COL15A1: variants seen among roughly 807,000 people sequenced by gnomAD.
COL15A1 encodes the protein collagen alpha-1(XV) chain.
In COL15A1, 111 loss-of-function variants were observed where a neutral mutation model predicts 165.9. That is an observed-to-expected ratio of 0.67 (90% CI 0.57 to 0.78). The LOEUF is 0.78. Among genes scored for constraint, COL15A1 ranks in the 30% least tolerant of loss-of-function variants. The pLI is 0.00. For missense variants in COL15A1, 1,745 were observed against 1,789.7 expected (o/e 0.98, Z 0.45); for synonymous variants, 659 against 674.8 (o/e 0.98, Z 0.36).
chr9:99,019,085 G>C (rs1418050517), intron 11 of COL15A1, among the ~76,000 whole-genome samples: 1 of 152,168 alleles, frequency 6.6e-6, no homozygotes, highest in African/African-American at 2.4e-5. Flanking sequence ...CCACGTTAGG[G>C]ATCTGCAATG....
intron 5 of COL15A1, among the ~76,000 whole-genome samples, chr9:98,996,690 A>G (rs983351645): frequency 2.0e-5 from 3 of 152,152 alleles, no homozygotes; most frequent in African/African-American, 7.2e-5. Context: ...GTGCTCAGAG[A>G]GCTTTGGCTG....
chr9:99,068,753 G>A (rs773573994), intron 41 of COL15A1, 83 bp downstream of exon 41: 11 of 801,156 alleles, frequency 1.4e-5, no homozygotes, highest in Non-Finnish European at 2.2e-5. Flanking sequence ...TTTATCAGCT[G>A]CTTCTCTAGG....
intron 4 of COL15A1, 69 bp from the exon 5 acceptor site, chr9:98,989,108 TC>T: frequency 8.3e-7 from 1 of 1,204,054 alleles, no homozygotes; most frequent in Non-Finnish European, 1.2e-6. Context: ...TCTGTAACTT[TC>T]CCAGTCATCC....
rs1825906542 is a variant in COL15A1 at position 99,067,037 on chromosome 9, G to C, written c.3807G>C (p.Glu1269Asp). 6.2e-7 allele frequency: 1 copy of C among 1,614,048 alleles called. No homozygotes were observed. The highest frequency in any genetic ancestry group is 1.3e-5 in the African/African-American group (1 of 75,038). The change falls in exon 40 of 42, where the codon GAG (glutamate) becomes GAC (aspartate). Residue 1269 changes from glutamate to aspartate, a missense_variant. Physicochemically the swap from Glu to Asp is conservative, Grantham distance 45. Coordinates refer to ENST00000375001, the MANE Select transcript of COL15A1 (RefSeq NM_001855.5). The part of the protein sequence containing the change: ...QDLSTIVRKA[E>D]RYSLPIVNLK... ...TGTCCACCATTGTGAGGAAAGCAGA[G>C]AGATACAGCCTTCCCATAGTGAACC...
At chr9:98,978,332 T>C (rs1838176830) in intron 2 of COL15A1, among the ~76,000 whole-genome samples, 1 of 152,128 alleles carries the variant, frequency 6.6e-6, no homozygotes, top group South Asian at 2.1e-4. Context: ...GCCTGAACGC[T>C]TAACCTGGCC....
intron 22 of COL15A1, among the ~76,000 whole-genome samples, chr9:99,039,338 G>A (rs57095477): frequency 0.011 from 1,641 of 152,218 alleles, 23 homozygotes; most frequent in African/African-American, 0.038. Flanking sequence ...TTGAAACCCT[G>A]TCTCTACTAA....
chr9:98,959,705 G>A (rs1837837075), intron 2 of COL15A1, among the ~76,000 whole-genome samples: 1 of 152,310 alleles, frequency 6.6e-6, no homozygotes, highest in African/African-American at 2.4e-5. Context: ...CTTTCTGCTG[G>A]GTTGCTACAG....
rs572721742 is a variant in COL15A1 at position 99,063,317 on chromosome 9, C to T, written c.3651+208C>T. Among the ~76,000 whole-genome samples, 21 of 152,150 alleles carry T rather than the reference C, an allele frequency of 1.4e-4. No homozygotes were observed. The South Asian group carries it at 3.1e-3, about 23-fold the overall frequency. ...CTGGGGGTATAAGGGAGGGCAGAGACGTCTACCTGGAGGAGGTTACCTCCA... is the reference window on the plus strand; with the variant it reads ...CTGGGGGTATAAGGGAGGGCAGAGATGTCTACCTGGAGGAGGTTACCTCCA... On this transcript the variant is annotated intron_variant, in intron 39 of 41. Coordinates refer to ENST00000375001, the MANE Select transcript of COL15A1 (RefSeq NM_001855.5).
chr9:98,990,286 G>T (rs1008103549), intron 5 of COL15A1, among the ~76,000 whole-genome samples: 1 of 152,234 alleles, frequency 6.6e-6, no homozygotes, highest in Non-Finnish European at 1.5e-5. Flanking sequence ...GGGCCGGACT[G>T]GGGTAACAGC....
chr9:99,016,177 A>G, intron 11 of COL15A1, 58 bp downstream of exon 11: 7 of 1,523,982 alleles, frequency 4.6e-6, no homozygotes, highest in Non-Finnish European at 6.1e-6. Flanking sequence ...GAGAGAAAGA[A>G]AGGCCAGAGT....
chr9:99,041,652 A>G (rs138724527), intron 23 of COL15A1, among the ~76,000 whole-genome samples: 227 of 152,260 alleles, frequency 1.5e-3, no homozygotes, highest in Middle Eastern at 3.4e-3. Context: ...CCTGGGTCCC[A>G]TCTCATAGGT....
At chr9:99,028,357 A>T (rs2119028788) in intron 16 of COL15A1, among the ~76,000 whole-genome samples, 1 of 152,308 alleles carries the variant, frequency 6.6e-6, no homozygotes, top group East Asian at 1.9e-4. Flanking sequence ...CAAAGGCATA[A>T]GAATGATATA....
chr9:98,986,939 T>C (rs1838324890), intron 3 of COL15A1, among the ~76,000 whole-genome samples: 1 of 152,096 alleles, frequency 6.6e-6, no homozygotes, highest in Non-Finnish European at 1.5e-5. Flanking sequence ...CTCAGAAGCA[T>C]TGAGCTGCAG....
intron 19 of COL15A1, 23 bp downstream of exon 19, chr9:99,035,441 A>T: frequency 6.2e-7 from 1 of 1,613,984 alleles, no homozygotes; most frequent in Non-Finnish European, 8.5e-7. Flanking sequence ...TGAAACCTTC[A>T]TTATGAGGGT....
intron 6 of COL15A1, among the ~76,000 whole-genome samples, chr9:99,000,245 A>G (rs548625452): frequency 3.0e-4 from 46 of 152,304 alleles, no homozygotes; most frequent in Admixed American, 1.8e-3. Flanking sequence ...TCCTCTTCTT[A>G]CACTCCTATC....
chr9:98,971,181 T>G (rs1564018894), intron 2 of COL15A1, among the ~76,000 whole-genome samples: 1 of 152,136 alleles, frequency 6.6e-6, no homozygotes, highest in Non-Finnish European at 1.5e-5. Flanking sequence ...TGTGTCGCCT[T>G]GGAATGCTGG....
rs762147016 is a variant in COL15A1, at chr9:98,944,034, G to A, written c.-28G>A. The A allele has an allele frequency of 1.2e-6, 2 of 1,613,656 alleles. No homozygotes were observed. The highest frequency in any genetic ancestry group is 1.7e-5 in the Admixed American group (1 of 60,006). ...CAACGCTCTGCTCGACTAGCCGCGC[G>A]CCTTCCGGGGCTCCGCAGACCCGCG... On this transcript the variant is annotated 5_prime_UTR_variant, in exon 1 of 42. Transcript: ENST00000375001.
At chr9:99,024,820 A>C in intron 14 of COL15A1, 54 bp from the exon 15 acceptor site, 1 of 1,576,816 alleles carries the variant, frequency 6.3e-7, no homozygotes, top group Non-Finnish European at 8.6e-7. Flanking sequence ...GCACATACTC[A>C]GTATCTCATT....
At chr9:98,986,400 C>A in intron 3 of COL15A1, 1 of 331,954 alleles carries the variant, frequency 3.0e-6, no homozygotes, top group East Asian at 6.2e-5. Context: ...TCTTGTAGGT[C>A]AAATAAGATA....
Sources: gnomAD v4.1 joint callset for allele counts (sites outside exome capture counted in the v4.1 genomes callset) on GRCh38, gnomAD v4.1.1 for gene constraint, MANE v1.5 for transcripts, NCBI Gene and HGNC (gene_info 2026-07-23, HGNC 2026-07-21) for gene names.